The following SLC19A3 variants were observed in gnomAD, a reference collection of about 807,000 sequenced individuals.
SLC19A3 encodes solute carrier family 19 member 3, also known as thiamine transporter 2.
In SLC19A3, 31 loss-of-function variants were observed where a neutral mutation model predicts 40.2. The ratio of observed to expected loss-of-function variants is 0.77; its 90% CI spans 0.58 to 1.04. The LOEUF (loss-of-function observed/expected upper bound fraction) is 1.04. SLC19A3 is among the 50% of genes least tolerant of loss of function. The pLI is 0.00. For missense variants in SLC19A3, 592 were observed against 596.7 expected, an observed-to-expected ratio of 0.99 and a Z score of 0.08; for synonymous variants, 212 against 227.5, an observed-to-expected ratio of 0.93 and a Z score of 0.61.
chr2:227,701,955 T>C (rs1695711983), intron 2 of SLC19A3: 3 of 536,184 alleles, frequency 5.6e-6, no homozygotes, highest in Admixed American at 6.4e-5. Context: ...AGTTAAAAAT[T>C]TGTTAACACA....
chr2:227,717,832 A>G (rs765129719), intron 1 of SLC19A3, 111 bp downstream of exon 1: 6 of 856,572 alleles, frequency 7.0e-6, no homozygotes, highest in Non-Finnish European at 8.4e-6. Flanking sequence ...AGGCCCGCAG[A>G]GCCAGGAACC....
chr2:227,710,868 T>C (rs1435053910), intron 1 of SLC19A3, among the ~76,000 whole-genome samples: 1 of 152,214 alleles, frequency 6.6e-6, no homozygotes, highest in Non-Finnish European at 1.5e-5. Flanking sequence ...AGCCCTTCCC[T>C]AGACAGAGCA....
intron 4 of SLC19A3, among the ~76,000 whole-genome samples, chr2:227,693,333 A>G (rs1045440965): frequency 6.6e-6 from 1 of 152,236 alleles, no homozygotes; most frequent in Non-Finnish European, 1.5e-5. Context: ...GAATTACACT[A>G]TAGAGCTATA....
rs1695816222 is a variant in SLC19A3, at chr2:227,703,867, G to A, written c.-2-1547C>T. ...ATCTTCTCTGTGCATCTGAGACCTA[G>A]GACTATGCCACAGTGATCCACAGGC... On this transcript the variant is annotated intron_variant, in intron 1 of 5. Coordinates refer to ENST00000644224, the MANE Select transcript of SLC19A3 (RefSeq NM_025243.4). This position sits in a 1 kb window ranked among gnomAD's most constrained non-coding sequence, Gnocchi z 4.7. Among the ~76,000 whole-genome samples the A allele has an allele frequency of 6.6e-6, 1 of 152,230 alleles. No individual in the cohort carries two copies.
At chr2:227,700,762 G>C (rs1695654209) in intron 2 of SLC19A3, 1 of 484,266 alleles carries the variant, frequency 2.1e-6, no homozygotes, top group African/African-American at 2.0e-5. Context: ...CAATTCTGCT[G>C]ATTTGTTTAT....
At position 227,699,288 on chromosome 2, in the gene SLC19A3, A is replaced by C; in HGVS notation, c.427T>G (p.Cys143Gly). ...PEHYQRVSGYCRSVTLAAYTA... is the reference protein window; with the variant it reads ...PEHYQRVSGYGRSVTLAAYTA... The stretch of plus-strand genomic sequence containing the variant: ...TAGGCGGCCAGCGTGACGCTCCTGC[A>C]GTAGCCGCTCACTCTCTGGTAGTGC... The change falls in exon 3 of 6, where the codon TGC becomes GGC. Residue 143 changes from cysteine (C) to glycine (G), a missense_variant. Physicochemically the swap from Cys to Gly is radical, Grantham distance 159 (BLOSUM62 -3). Transcript: ENST00000644224. The C allele has an allele frequency of 6.2e-7, 1 of 1,614,148 alleles. No individual in the cohort carries two copies. The highest frequency in any genetic ancestry group is 8.5e-7 in the Non-Finnish European group (1 of 1,180,028).
intron 4 of SLC19A3, among the ~76,000 whole-genome samples, 174 bp from the exon 5 acceptor site, chr2:227,688,481 T>C (rs1695104597): frequency 1.3e-5 from 2 of 152,194 alleles, no homozygotes; most frequent in Admixed American, 1.3e-4. Flanking sequence ...AACAAGTGTC[T>C]CTGTCTGGTA....
At position 227,699,561 on chromosome 2, in the gene SLC19A3, T is replaced by A; in HGVS notation, c.154A>T (p.Thr52Ser). ...PDKNLTSAEI[T>S]NEIFPVWTYS... ...GTCCAAACGGGGAAGATCTCATTTG[T>A]TATCTGCAAAGTTGGTAAATTGCAT... The change falls in exon 3 of 6, where the codon ACA becomes TCA. Residue 52 changes from threonine (T) to serine (S), a missense_variant. Transcript: ENST00000644224. 6.2e-7 allele frequency: 1 copy of A among 1,614,044 alleles called. No homozygotes were observed. The highest frequency in any genetic ancestry group is 8.5e-7 in the Non-Finnish European group (1 of 1,179,950).
chr2:227,708,419 A>G (rs539127224), intron 1 of SLC19A3, among the ~76,000 whole-genome samples: 22 of 151,932 alleles, frequency 1.4e-4, no homozygotes, highest in Non-Finnish European at 2.9e-4. Context: ...TTCCACTTTT[A>G]ACCATCTCCT....
At position 227,701,635 on chromosome 2, in the gene SLC19A3, T is replaced by TA. The variant is rs59125996; in HGVS notation, c.150+533dup. On this transcript the variant is annotated intron_variant, in intron 2 of 5. Transcript: ENST00000644224. ...AGACTCCATCTCAAACAAAAACAAT[T>TA]AAAAAAAAAAAAAAAGAAAGAAAGA... The TA allele has an allele frequency of 1.6e-3, 230 of 143,458 alleles. 1 individual carries two copies. Among genetic ancestry groups the TA allele is most frequent in the African/African-American group, 5.3e-3 (199 of 37,802 alleles). 8.9% of individuals were successfully genotyped at this position (143,458 alleles called of 1,614,324 possible). A position where few individuals can be genotyped will look rare whatever the true frequency, so the allele number is the denominator to read the frequency against.
rs1328499619 is a variant in SLC19A3 at position 227,683,965 on chromosome 2, A to T, written c.*3432T>A. ...AGGTGCAAGCCACCATGCCCAGCTAATTTTTGTATTTTTTGTAGAGACAGG... is the reference window on the plus strand; with the variant it reads ...AGGTGCAAGCCACCATGCCCAGCTATTTTTTGTATTTTTTGTAGAGACAGG... On this transcript the variant is annotated 3_prime_UTR_variant, in exon 6 of 6. Transcript: ENST00000644224. The T allele has an allele frequency of 6.7e-6, 1 of 148,780 alleles. No homozygotes were observed. The highest frequency in any genetic ancestry group is 1.5e-5 in the Non-Finnish European group (1 of 68,054). 9.2% of individuals were successfully genotyped at this position (148,780 alleles called of 1,614,324 possible). A position where few individuals can be genotyped will look rare whatever the true frequency, so the allele number is the denominator to read the frequency against.
chr2:227,704,725 T>C (rs1695861334), intron 1 of SLC19A3, among the ~76,000 whole-genome samples: 1 of 152,034 alleles, frequency 6.6e-6, no homozygotes, highest in African/African-American at 2.4e-5. Context: ...GAGATCAAGG[T>C]GTCGGTGAGC....
Position 227,702,251 on chromosome 2 carries a change from C to T in SLC19A3, c.68G>A (p.Gly23Asp), listed in dbSNP as rs121917882. 2 of 1,613,944 alleles carry T rather than the reference C, an allele frequency of 1.2e-6. No homozygotes were observed. Among genetic ancestry groups the T allele is most frequent in the South Asian group, 2.2e-5 (2 of 91,078 alleles). Residue 23 changes from glycine to aspartate, a missense_variant, in exon 2 of 6, where the codon GGT becomes GAT. By Grantham distance (94) the Gly-to-Asp change is moderately conservative. Coordinates refer to ENST00000644224, the MANE Select transcript of SLC19A3 (RefSeq NM_025243.4). Reference protein sequence around the residue: ...IYPTVILCLFGFFSMMRPSEP... With the variant: ...IYPTVILCLFDFFSMMRPSEP... ...TGAGGGTCTCATCATGGAGAAAAAA[C>T]CAAATAAGCAGAGGATCACAGTGGG...
intron 1 of SLC19A3, chr2:227,706,736 A>G (rs549381092): frequency 6.3e-6 from 1 of 158,736 alleles, no homozygotes; most frequent in Non-Finnish European, 1.4e-5. Context: ...ATGCCACTGC[A>G]CCCCAACCTG....
At chr2:227,710,399 A>C (rs1406496735) in intron 1 of SLC19A3, among the ~76,000 whole-genome samples, 1 of 152,156 alleles carries the variant, frequency 6.6e-6, no homozygotes, top group Non-Finnish European at 1.5e-5. Flanking sequence ...CCATCTCTAC[A>C]AAAATACAAA....
chr2:227,690,017 A>G (rs557332541), intron 4 of SLC19A3, among the ~76,000 whole-genome samples: 2 of 152,318 alleles, frequency 1.3e-5, no homozygotes, highest in African/African-American at 4.8e-5. Flanking sequence ...GATACCCAAA[A>G]AGTAAAAAAG....
rs1039738004 is a variant in SLC19A3, at chr2:227,703,162, G to GA, written c.-2-843dup. ...TAACCTAATGACAACCACAGTGAGG[G>GA]AAAAAACGTGTATTTATAAACACAT... On this transcript the variant is annotated intron_variant, in intron 1 of 5. Coordinates refer to ENST00000644224, the MANE Select transcript of SLC19A3 (RefSeq NM_025243.4). This position sits in a 1 kb window ranked among gnomAD's most constrained non-coding sequence, Gnocchi z 4.7. 6.6e-6 allele frequency among the ~76,000 whole-genome samples: 1 copy of GA among 152,116 alleles called. No individual in the cohort carries two copies. The highest frequency in any genetic ancestry group is 1.5e-5 in the Non-Finnish European group (1 of 68,002).
chr2:227,717,418 A>G (rs547910357), intron 1 of SLC19A3, among the ~76,000 whole-genome samples: 1 of 152,280 alleles, frequency 6.6e-6, no homozygotes, highest in South Asian at 2.1e-4. Context: ...CAGCTGTCAC[A>G]CTATTTATTA....
intron 4 of SLC19A3, among the ~76,000 whole-genome samples, chr2:227,692,461 T>C (rs1249546465): frequency 6.6e-6 from 1 of 152,218 alleles, no homozygotes; most frequent in Non-Finnish European, 1.5e-5. Flanking sequence ...ACTATGATCA[T>C]TCAATTGATG....
Sources: gnomAD v4.1 joint callset for allele counts (sites outside exome capture counted in the v4.1 genomes callset) on GRCh38, gnomAD v4.1.1 for gene constraint, Gnocchi (gnomAD v3.1) non-coding constraint, MANE v1.5 for transcripts, NCBI Gene and HGNC (gene_info 2026-07-23, HGNC 2026-07-21) for gene names.